Variants in POLR3G observed in about 807,000 individuals in gnomAD.
POLR3G encodes DNA-directed RNA polymerase III subunit RPC7.
POLR3G carries 28 observed loss-of-function variants against 30.1 expected under a neutral mutation model. The ratio of observed to expected loss-of-function variants is 0.93; its 90% CI spans 0.69 to 1.27. POLR3G has a LOEUF of 1.27. Among genes scored for constraint, POLR3G ranks in the 50% most tolerant of loss-of-function variants. POLR3G has a pLI of 0.00. For synonymous variants in POLR3G, 79 were observed against 82.5 expected (o/e 0.96, Z 0.23); for missense variants, 254 against 264.6 (o/e 0.96, Z 0.28).
Position 90,513,074 on chromosome 5 carries a change from T to G in POLR3G, c.*935T>G, listed in dbSNP as rs1437764619. 6.6e-6 allele frequency: 1 copy of G among 152,142 alleles called. No homozygotes were observed. Among genetic ancestry groups the G allele is most frequent in the Non-Finnish European group, 1.5e-5 (1 of 67,954 alleles). The allele number at this position is 152,142 out of a possible 1,614,324, so 9.4% of individuals were successfully genotyped here. A position where few individuals can be genotyped will look rare whatever the true frequency, so the allele number is the denominator to read the frequency against. ...GGTCATTTTGAAATTAATATTAATA[T>G]TTTTGTTGTTTAACTTTAAAGCTAG... On this transcript the variant is annotated 3_prime_UTR_variant, in exon 8 of 8. Transcript: ENST00000651687.
rs773881344 is a variant in POLR3G, at chr5:90,478,569, C to CTTTTTTT, written c.-44+3560_-44+3566dup. Among the ~76,000 whole-genome samples, 20 of 79,332 alleles carry CTTTTTTT rather than the reference C, an allele frequency of 2.5e-4. 5 individuals are homozygous for CTTTTTTT. Among genetic ancestry groups the CTTTTTTT allele is most frequent in the African/African-American group, 9.1e-4 (18 of 19,794 alleles). The allele number at this position is 79,332 out of a possible 152,430, so 52.0% of individuals were successfully genotyped here. A position where few individuals can be genotyped will look rare whatever the true frequency, so the allele number is the denominator to read the frequency against. ...AATGGGAGGTTTAATCTGCGTGGTT[C>CTTTTTTT]TTTTTTTTTTTTTTTTTGAGAGGGA... On this transcript the variant is annotated intron_variant, in intron 1 of 7. Coordinates refer to ENST00000651687, the MANE Select transcript of POLR3G (RefSeq NM_006467.3).
At position 90,493,676 on chromosome 5, in the gene POLR3G, A is replaced by ATTTTTTTTTT. The variant is rs70999488; in HGVS notation, c.248-1962_248-1953dup. Among the ~76,000 whole-genome samples, 6 of 51,420 alleles carry ATTTTTTTTTT rather than the reference A, an allele frequency of 1.2e-4. 1 individual carries two copies. Among genetic ancestry groups the ATTTTTTTTTT allele is most frequent in the East Asian group, 6.2e-4 (1 of 1,602 alleles). 33.7% of individuals were successfully genotyped at this position (51,420 alleles called of 152,430 possible). On this transcript the variant is annotated intron_variant, in intron 3 of 7. Transcript: ENST00000651687. ...GTTGTGCAATCAACACCACTATTTA[A>ATTTTTTTTTT]TTTTTTTTTTTTTTTTTTTTTTTTT...
At chr5:90,474,641 T>C, upstream of POLR3G, 1 of 304,474 alleles carries the variant, frequency 3.3e-6, no homozygotes, top group Non-Finnish European at 6.2e-6. Context: ...TGGCGACCGT[T>C]TCGCCACCCC....
At chr5:90,496,243 C>G (rs59607907) in intron 4 of POLR3G, among the ~76,000 whole-genome samples, 2 of 152,098 alleles carry the variant, frequency 1.3e-5, no homozygotes, top group African/African-American at 4.8e-5. Context: ...GCTGGGATTA[C>G]AGGCATGAGC....
chr5:90,509,301 C>T (rs1018649764), intron 7 of POLR3G, among the ~76,000 whole-genome samples: 3 of 152,114 alleles, frequency 2.0e-5, no homozygotes, highest in Admixed American at 1.3e-4. Context: ...TGTAATCTCT[C>T]TGATTGCATC....
chr5:90,484,871 T>C (rs946282503), intron 1 of POLR3G, among the ~76,000 whole-genome samples: 1 of 152,220 alleles, frequency 6.6e-6, no homozygotes, highest in Admixed American at 6.5e-5. Context: ...TGTTTATACA[T>C]TGGCAGCTCA....
intron 1 of POLR3G, among the ~76,000 whole-genome samples, chr5:90,483,395 T>C (rs890120512): frequency 6.6e-6 from 1 of 152,200 alleles, no homozygotes; most frequent in Non-Finnish European, 1.5e-5. Flanking sequence ...CCGTGCATTC[T>C]ACTTGAGTAA....
intron 2 of POLR3G, among the ~76,000 whole-genome samples, chr5:90,487,378 A>ATTTTTTTTTTTTTTTTTTT (rs59951999): frequency 1.8e-4 from 10 of 57,028 alleles, no homozygotes; most frequent in African/African-American, 7.1e-4. Context: ...TGGTACATTA[A>ATTTTTTTTTTTTTTTTTTT]TTTTTTTTTT....
intron 3 of POLR3G, among the ~76,000 whole-genome samples, chr5:90,494,610 G>A (rs564179321): frequency 6.6e-6 from 1 of 151,778 alleles, no homozygotes; most frequent in Admixed American, 6.6e-5. Flanking sequence ...ATCTCATTGT[G>A]GTTTTGATTT....
At chr5:90,495,810 G>A (rs1452942416) in intron 4 of POLR3G, 77 bp downstream of exon 4, 5 of 1,480,292 alleles carry the variant, frequency 3.4e-6, no homozygotes, top group East Asian at 2.6e-5. Flanking sequence ...TTTAGAATAA[G>A]TTTTCTATTT....
At chr5:90,480,774 G>A (rs985494709) in intron 1 of POLR3G, among the ~76,000 whole-genome samples, 8 of 152,158 alleles carry the variant, frequency 5.3e-5, no homozygotes, top group Non-Finnish European at 1.0e-4. Flanking sequence ...GCAAATCCTG[G>A]ACTGGAGTGC....
At chr5:90,490,931 A>T (rs1751694182) in intron 3 of POLR3G, 1 of 158,500 alleles carries the variant, frequency 6.3e-6, no homozygotes, top group South Asian at 1.7e-4. Flanking sequence ...CCGGATAGAG[A>T]TGTTGCATGA....
intron 3 of POLR3G, among the ~76,000 whole-genome samples, chr5:90,493,676 ATTTTTTTTTTTTTTTTTTTTTTTTTT>A (rs70999488): frequency 1.4e-3 from 72 of 51,462 alleles, no homozygotes; most frequent in East Asian, 5.6e-3. Context: ...CCACTATTTA[ATTTTTTTTTTTTTTTTTTTTTTTTTT>A]TTTTTTTTTT....
intron 6 of POLR3G, among the ~76,000 whole-genome samples, chr5:90,504,318 T>C (rs1445374869): frequency 2.6e-5 from 4 of 152,068 alleles, no homozygotes; most frequent in Non-Finnish European, 5.9e-5. Context: ...CTCAGCACTT[T>C]GGGAGGCCGA....
chr5:90,485,718 G>T, intron 2 of POLR3G, 34 bp downstream of exon 2: 1 of 1,466,256 alleles, frequency 6.8e-7, no homozygotes, highest in Non-Finnish European at 9.5e-7. Flanking sequence ...CTCATAGTGT[G>T]TTTTTTCATT....
chr5:90,486,021 G>T (rs889550274), intron 2 of POLR3G, among the ~76,000 whole-genome samples: 3 of 152,008 alleles, frequency 2.0e-5, no homozygotes, highest in Non-Finnish European at 4.4e-5. Flanking sequence ...TTCTCAGTTC[G>T]CACCCTATCA....
At chr5:90,504,691 A>G (rs953269638) in intron 6 of POLR3G, among the ~76,000 whole-genome samples, 6 of 152,206 alleles carry the variant, frequency 3.9e-5, no homozygotes, top group African/African-American at 1.4e-4. Context: ...ATGGCACTAC[A>G]ATTTCCTATT....
At chr5:90,473,964 C>T (rs151111756), upstream of POLR3G, 14 of 1,599,248 alleles carry the variant, frequency 8.8e-6, no homozygotes, top group Non-Finnish European at 1.1e-5. Context: ...GTTGTCCCCG[C>T]GAGCCAGCGC....
chr5:90,501,926 G>A lies in POLR3G; in HGVS notation c.376G>A (p.Ala126Thr). 6.2e-7 allele frequency: 1 copy of A among 1,613,336 alleles called. No individual in the cohort carries two copies. The highest frequency in any genetic ancestry group is 2.2e-5 in the East Asian group (1 of 44,826). Residue 126 changes from alanine to threonine, a missense_variant, in exon 6 of 8, where the codon GCA (alanine) becomes ACA (threonine). Transcript: ENST00000651687. ...TTCAGCAGGCCCAAAACCCAAAAAG[G>A]CAAAAGACGCAGGCAAAGGCACACC... ...CKKAGPKPKK[A>T]KDAGKGTPLT... is the part of the protein sequence containing the mutation.
Sources: gnomAD v4.1 joint callset for allele counts (sites outside exome capture counted in the v4.1 genomes callset) on GRCh38, gnomAD v4.1.1 for gene constraint, MANE v1.5 for transcripts, NCBI Gene and HGNC (gene_info 2026-07-23, HGNC 2026-07-21) for gene names.